PCDHA11: variants seen among roughly 807,000 people sequenced by gnomAD.
PCDHA11 encodes protocadherin alpha-11.
A neutral mutation model predicts 70.3 loss-of-function variants in PCDHA11; 61 were observed. The observed-to-expected ratio is 0.87, with a 90% CI of 0.71 to 1.07. PCDHA11 has a LOEUF of 1.07. Ranked by LOEUF, PCDHA11 falls within the 50% of genes least tolerant of loss-of-function variation. PCDHA11 has a pLI of 0.00. For missense variants in PCDHA11, 1,324 were observed against 1,237.5 expected (o/e 1.07, Z -1.05); for synonymous variants, 633 against 555.1 (o/e 1.14, Z -1.97).
intron 1 of PCDHA11, among the ~76,000 whole-genome samples, chr5:140,919,151 G>A (rs1246862771): frequency 2.6e-5 from 4 of 152,122 alleles, no homozygotes; most frequent in African/African-American, 9.7e-5. Flanking sequence ...ATTATTAGAT[G>A]CAAGTATGTT....
At chr5:140,969,982 G>A (rs1327490843) in intron 1 of PCDHA11, among the ~76,000 whole-genome samples, 1 of 152,184 alleles carries the variant, frequency 6.6e-6, no homozygotes, top group Non-Finnish European at 1.5e-5. Context: ...CAACTCTTCT[G>A]TAGAGGGCTG....
intron 1 of PCDHA11, among the ~76,000 whole-genome samples, chr5:140,961,096 G>A (rs1040764862): frequency 3.9e-5 from 6 of 152,222 alleles, no homozygotes; most frequent in Admixed American, 3.3e-4. Flanking sequence ...TGACTTTTTG[G>A]TCACCCAACC....
Position 140,912,620 on chromosome 5 carries a change from G to A in PCDHA11, c.2391+41126G>A, listed in dbSNP as rs149952916. Among the ~76,000 whole-genome samples the A allele has an allele frequency of 2.6e-3, 391 of 152,154 alleles. 2 individuals carry two copies. The highest frequency in any genetic ancestry group is 9.2e-3 in the African/African-American group (380 of 41,510). ...TTTCTTCCTCTTGTCTGATTACTCT[G>A]GATGAGACTTTCAGTACTATGTTGA... On this transcript the variant is annotated intron_variant, in intron 1 of 3. Coordinates refer to ENST00000398640, the MANE Select transcript of PCDHA11 (RefSeq NM_018902.5).
rs113297104 is a variant in PCDHA11 at position 140,984,945 on chromosome 5, CT to C, written c.2539+2392del. On this transcript the variant is annotated intron_variant, in intron 3 of 3. Transcript: ENST00000398640. The stretch of plus-strand genomic sequence containing the variant: ...GACATATAGTTAATAAATGTCTAAT[CT>C]TTTTTTTTTGAGACAGAGTCTCGCT... Among the ~76,000 whole-genome samples the C allele has an allele frequency of 9.4e-3, 1,407 of 149,276 alleles. 15 individuals are homozygous for C. Among genetic ancestry groups the C allele is most frequent in the East Asian group, 0.044 (226 of 5,092 alleles).
intron 1 of PCDHA11, among the ~76,000 whole-genome samples, chr5:140,881,137 A>G (rs1554171789): frequency 6.6e-6 from 1 of 152,246 alleles, no homozygotes; most frequent in Non-Finnish European, 1.5e-5. Context: ...AGAGATAGTT[A>G]TAACAATAGA....
intron 1 of PCDHA11, chr5:140,927,063 C>T: frequency 6.2e-7 from 1 of 1,611,332 alleles, no homozygotes; most frequent in Non-Finnish European, 8.5e-7. Flanking sequence ...ACTTTCGCTT[C>T]CTTTCCAGCC....
chr5:140,990,990 A>G (rs1269528161), intron 3 of PCDHA11, among the ~76,000 whole-genome samples: 1 of 152,210 alleles, frequency 6.6e-6, no homozygotes, highest in East Asian at 1.9e-4. Flanking sequence ...GACAATAGCT[A>G]CCATTTATTG....
At chr5:140,911,338 A>G (rs1562979911) in intron 1 of PCDHA11, among the ~76,000 whole-genome samples, 1 of 152,040 alleles carries the variant, frequency 6.6e-6, no homozygotes, top group African/African-American at 2.4e-5. Context: ...TTTTCCAATC[A>G]ATGCCCTCAT....
chr5:140,995,113 A>T (rs560699104), intron 3 of PCDHA11, among the ~76,000 whole-genome samples: 1 of 152,370 alleles, frequency 6.6e-6, no homozygotes, highest in East Asian at 1.9e-4. Flanking sequence ...CAAGACCCTC[A>T]GTGGATGCCT....
At position 140,875,429 on chromosome 5, in the gene PCDHA11, C is replaced by T. The variant is rs781965482; in HGVS notation, c.2391+3935C>T. ...CATAAAATACCTCAGGCAAGCGATCCCTTAAAACTGATTGTCCCAACTCAG... is the reference window on the plus strand; with the variant it reads ...CATAAAATACCTCAGGCAAGCGATCTCTTAAAACTGATTGTCCCAACTCAG... On this transcript the variant is annotated intron_variant, in intron 1 of 3. Transcript: ENST00000398640. The T allele has an allele frequency of 1.9e-6, 3 of 1,551,972 alleles. No homozygotes were observed. In the Admixed American group the frequency reaches 6.1e-5, roughly 32 times the overall value.
intron 1 of PCDHA11, chr5:140,927,106 A>C (rs782151576): frequency 6.2e-7 from 1 of 1,613,678 alleles, no homozygotes; most frequent in Non-Finnish European, 8.5e-7. Context: ...GGATCTACCC[A>C]GCGGCAATTT....
intron 1 of PCDHA11, among the ~76,000 whole-genome samples, chr5:140,932,462 A>G (rs549858141): frequency 6.6e-6 from 1 of 152,022 alleles, no homozygotes; most frequent in African/African-American, 2.4e-5. Flanking sequence ...GCCAGGGTAT[A>G]TAGGAAATAG....
chr5:140,893,388 CATG>C (rs2063965035), intron 1 of PCDHA11, among the ~76,000 whole-genome samples: 1 of 152,132 alleles, frequency 6.6e-6, no homozygotes, highest in South Asian at 2.1e-4. Context: ...GACAGTGGCT[CATG>C]CCTGTAATCC....
intron 1 of PCDHA11, among the ~76,000 whole-genome samples, chr5:140,924,244 C>T (rs1375839311): frequency 6.6e-6 from 1 of 152,152 alleles, no homozygotes; most frequent in East Asian, 1.9e-4. Flanking sequence ...TGTTTTGCAT[C>T]CTGGTGAGAT....
At chr5:140,931,662 T>C (rs905670675) in intron 1 of PCDHA11, among the ~76,000 whole-genome samples, 2 of 152,028 alleles carry the variant, frequency 1.3e-5, no homozygotes, top group Non-Finnish European at 2.9e-5. Context: ...GTGGGCTGGA[T>C]ATTTCCTTAT....
At chr5:140,941,219 C>CTTTCTTTCTT (rs1563186292) in intron 1 of PCDHA11, among the ~76,000 whole-genome samples, 18 of 125,974 alleles carry the variant, frequency 1.4e-4, no homozygotes, top group African/African-American at 4.5e-4. Context: ...TTCTTCCTTT[C>CTTTCTTTCTT]TTTCTTTCTT....
chr5:140,945,201 T>G (rs1168662297), intron 1 of PCDHA11, among the ~76,000 whole-genome samples: 1 of 152,172 alleles, frequency 6.6e-6, no homozygotes, highest in Middle Eastern at 3.4e-3. Context: ...CTATTTACAA[T>G]AGCTATGAGA....
intron 1 of PCDHA11, among the ~76,000 whole-genome samples, chr5:140,898,622 A>G (rs1286354840): frequency 7.9e-5 from 12 of 152,290 alleles, no homozygotes; most frequent in African/African-American, 2.6e-4. Context: ...GTCAGGTAGC[A>G]TAATGCCTCC....
rs553859456 is a variant in PCDHA11 at position 140,938,056 on chromosome 5, A to G, written c.2392-40893A>G. Among the ~76,000 whole-genome samples, 1,107 of 152,294 alleles carry G rather than the reference A, an allele frequency of 7.3e-3. 4 individuals carry two copies. Among genetic ancestry groups the G allele is most frequent in the Admixed American group, 0.012 (189 of 15,304 alleles). ...TTTATATTTTGGGTTTTCTACATATACTGTCATGCTATTCCCAAATAATGT... is the reference window on the plus strand; with the variant it reads ...TTTATATTTTGGGTTTTCTACATATGCTGTCATGCTATTCCCAAATAATGT... On this transcript the variant is annotated intron_variant, in intron 1 of 3. Coordinates refer to ENST00000398640, the MANE Select transcript of PCDHA11 (RefSeq NM_018902.5).
Sources: allele counts gnomAD v4.1 joint callset (sites outside exome capture counted in the v4.1 genomes callset), GRCh38; gene constraint gnomAD v4.1.1; transcripts MANE v1.5; gene names NCBI Gene and HGNC (gene_info 2026-07-23, HGNC 2026-07-21).